Variants in FNIP1 observed in about 807,000 individuals in gnomAD.
FNIP1 encodes folliculin-interacting protein 1.
In FNIP1, 40 loss-of-function variants were observed where a neutral mutation model predicts 124.5. The observed-to-expected ratio is 0.32, with a 90% CI of 0.25 to 0.42. FNIP1 has a LOEUF of 0.42. Among genes scored for constraint, FNIP1 ranks in the 10% least tolerant of loss-of-function variants. The pLI is 1.00. For synonymous variants in FNIP1, 472 were observed against 470.6 expected (o/e 1.00, Z -0.04); for missense variants, 1,176 against 1,403.7 (o/e 0.84, Z 2.59).
intron 3 of FNIP1, among the ~76,000 whole-genome samples, chr5:131,728,757 G>A (rs1769977372): frequency 1.3e-5 from 2 of 152,136 alleles, no homozygotes; most frequent in Non-Finnish European, 2.9e-5. Context: ...TGGAGGAGGA[G>A]AGGCATTCTG....
In FNIP1 at chr5:131,651,908, C is replaced by T. The variant is rs138667282; in HGVS notation, c.3200G>A (p.Arg1067Gln). ...CTTTCCCAATTTATTATCTGTCACT[C>T]GTCTCTGGCTACTGGCCACTTGAAC... ...WTVQVASSQR[R>Q]VTDNKLGKEV... is the part of the protein sequence containing the mutation. The change falls in exon 16 of 18, where the codon CGA becomes CAA. Residue 1067 changes from arginine to glutamine, a missense_variant. By Grantham distance (43) the Arg-to-Gln change is conservative. Coordinates refer to ENST00000510461, the MANE Select transcript of FNIP1 (RefSeq NM_133372.3). 3.6e-5 allele frequency: 58 copies of T among 1,614,026 alleles called. No homozygotes were observed. The highest frequency in any genetic ancestry group is 4.3e-5 in the Non-Finnish European group (51 of 1,180,038).
chr5:131,715,927 C>T (rs1769453524), intron 6 of FNIP1, among the ~76,000 whole-genome samples: 1 of 152,096 alleles, frequency 6.6e-6, no homozygotes, highest in Non-Finnish European at 1.5e-5. Context: ...ATCCCATTCC[C>T]TTGGCTACTA....
At chr5:131,711,882 T>C (rs760408912) in intron 6 of FNIP1, among the ~76,000 whole-genome samples, 1 of 152,228 alleles carries the variant, frequency 6.6e-6, no homozygotes, top group African/African-American at 2.4e-5. Context: ...AATCCTTCCA[T>C]GTCTCAATGG....
At chr5:131,693,592 T>C (rs971795304) in intron 11 of FNIP1, among the ~76,000 whole-genome samples, 2 of 151,886 alleles carry the variant, frequency 1.3e-5, no homozygotes, top group African/African-American at 2.4e-5. Context: ...TAATGGATCA[T>C]AGTCATAAGC....
At chr5:131,673,190 A>C (rs1767819268) in intron 13 of FNIP1, among the ~76,000 whole-genome samples, 2 of 151,346 alleles carry the variant, frequency 1.3e-5, no homozygotes, top group Non-Finnish European at 1.5e-5. Flanking sequence ...TGGGACTATA[A>C]GCGCGTGCCA....
intron 6 of FNIP1, among the ~76,000 whole-genome samples, chr5:131,712,071 A>G (rs1769310990): frequency 6.6e-6 from 1 of 151,760 alleles, no homozygotes; most frequent in African/African-American, 2.4e-5. Context: ...TTTTTTTCCT[A>G]TCACCCTGCT....
At chr5:131,751,677 G>C (rs1770876970) in intron 1 of FNIP1, among the ~76,000 whole-genome samples, 1 of 152,060 alleles carries the variant, frequency 6.6e-6, no homozygotes, top group Non-Finnish European at 1.5e-5. Flanking sequence ...CAATACAATG[G>C]AGTATTTGGC....
At chr5:131,653,802 C>T (rs1017150963) in intron 15 of FNIP1, among the ~76,000 whole-genome samples, 6 of 152,102 alleles carry the variant, frequency 3.9e-5, no homozygotes, top group East Asian at 1.9e-4. Flanking sequence ...AGTACAGTGG[C>T]GTGATCTCAG....
intron 3 of FNIP1, among the ~76,000 whole-genome samples, chr5:131,724,034 C>G (rs13189442): frequency 9.2e-5 from 14 of 152,108 alleles, no homozygotes; most frequent in Non-Finnish European, 2.9e-5. Flanking sequence ...GCAAAGGACA[C>G]GAACTCATCC....
intron 1 of FNIP1, among the ~76,000 whole-genome samples, chr5:131,794,676 T>A (rs1772518594): frequency 6.6e-6 from 1 of 152,200 alleles, no homozygotes; most frequent in Non-Finnish European, 1.5e-5. Flanking sequence ...CTCATCCCTG[T>A]AAGCCCAGAA....
chr5:131,707,026 C>T (rs1769136541), intron 8 of FNIP1, among the ~76,000 whole-genome samples: 1 of 152,154 alleles, frequency 6.6e-6, no homozygotes, highest in Admixed American at 6.5e-5. Context: ...TCAAACCTAC[C>T]ACTTTTAATT....
chr5:131,724,472 C>T (rs1769786088), intron 3 of FNIP1, among the ~76,000 whole-genome samples: 1 of 151,944 alleles, frequency 6.6e-6, no homozygotes, highest in African/African-American at 2.4e-5. Context: ...TGATAAAGAG[C>T]TTTTTTTTCA....
chr5:131,780,292 A>G (rs1408524676), intron 1 of FNIP1, among the ~76,000 whole-genome samples: 1 of 152,142 alleles, frequency 6.6e-6, no homozygotes, highest in Non-Finnish European at 1.5e-5. Flanking sequence ...ATGTCTACAT[A>G]TGGGAGTGTC....
At chr5:131,755,266 CA>C (rs1456452913) in intron 1 of FNIP1, among the ~76,000 whole-genome samples, 14 of 151,786 alleles carry the variant, frequency 9.2e-5, no homozygotes, top group Admixed American at 5.9e-4. Flanking sequence ...ACTAAAAATA[CA>C]AAAATTAGCC....
In FNIP1 at chr5:131,679,133, T is replaced by G; in HGVS notation, c.1245A>C (p.Glu415Asp). The change falls in exon 12 of 18, where the codon GAA (glutamate) becomes GAC (aspartate). Residue 415 changes from glutamate (E) to aspartate (D), a missense_variant. Coordinates refer to ENST00000510461, the MANE Select transcript of FNIP1 (RefSeq NM_133372.3). ...CNLYTMPRIG[E>D]PVWLTMMSGT... is the part of the protein sequence containing the mutation. ...CCGACATCATTGTAAGCCAGACAGG[T>G]TCTCCAATTCGTGGCATCGTGTAAA... 5 of 1,601,282 alleles carry G rather than the reference T, an allele frequency of 3.1e-6. No individual in the cohort carries two copies. Among genetic ancestry groups the G allele is most frequent in the Non-Finnish European group, 4.3e-6 (5 of 1,168,830 alleles).
chr5:131,796,803 C>T (rs1281125184), intron 1 of FNIP1, 27 bp downstream of exon 1: 5 of 1,554,070 alleles, frequency 3.2e-6, no homozygotes, highest in African/African-American at 1.4e-5. Flanking sequence ...CCATCGGCTC[C>T]GCGACCCCCG....
chr5:131,734,227 T>C, intron 2 of FNIP1, among the ~76,000 whole-genome samples: 1 of 152,202 alleles, frequency 6.6e-6, no homozygotes, highest in East Asian at 1.9e-4. Flanking sequence ...TCTTTTCTTA[T>C]TAGTCGTGCT....
intron 3 of FNIP1, among the ~76,000 whole-genome samples, chr5:131,721,142 T>C (rs552184019): frequency 4.6e-5 from 7 of 152,116 alleles, no homozygotes; most frequent in Non-Finnish European, 8.8e-5. Flanking sequence ...TGAAACACTA[T>C]TCAGTTTTCA....
intron 1 of FNIP1, among the ~76,000 whole-genome samples, chr5:131,746,274 T>C (rs1467889427): frequency 6.6e-6 from 1 of 152,206 alleles, no homozygotes; most frequent in Non-Finnish European, 1.5e-5. Context: ...ATTTATTTTT[T>C]ATAATTTCAA....
Sources: allele counts gnomAD v4.1 joint callset (sites outside exome capture counted in the v4.1 genomes callset), GRCh38; gene constraint gnomAD v4.1.1; transcripts MANE v1.5; gene names NCBI Gene and HGNC (gene_info 2026-07-23, HGNC 2026-07-21).